Variants in KIF5C observed in about 807,000 individuals in gnomAD.
KIF5C encodes the protein kinesin family member 5C, also known as kinesin heavy chain isoform 5C.
In KIF5C, 18 loss-of-function variants were observed where a neutral mutation model predicts 125.2. The observed-to-expected ratio is 0.14, with a 90% CI of 0.10 to 0.21. The LOEUF is 0.21. Ranked by LOEUF, KIF5C falls within the 10% of genes least tolerant of loss-of-function variation. The pLI is 1.00. For synonymous variants in KIF5C, 405 were observed against 434.0 expected, an observed-to-expected ratio of 0.93 and a Z score of 0.83; for missense variants, 780 against 1,183.8, an observed-to-expected ratio of 0.66 and a Z score of 5.01.
rs1211669214 is a variant in KIF5C, at chr2:149,024,823, C to CAGG, written c.*1753_*1754insAGG. 3 of 152,408 alleles carry CAGG rather than the reference C, an allele frequency of 2.0e-5. No homozygotes were observed. The highest frequency in any genetic ancestry group is 7.3e-5 in the African/African-American group (3 of 41,370). The allele number at this position is 152,408 out of a possible 1,614,324, so 9.4% of individuals were successfully genotyped here. A position where few individuals can be genotyped will look rare whatever the true frequency, so the allele number is the denominator to read the frequency against. ...TGTTATCAGTGCCAGCCCAATATAC[C>CAGG]TGCTCTACCATTATTTGCGGTCTGA... On this transcript the variant is annotated 3_prime_UTR_variant, in exon 26 of 26. Transcript: ENST00000435030.
chr2:148,910,581 A>C (rs1300170135), intron 1 of KIF5C, among the ~76,000 whole-genome samples: 3 of 152,236 alleles, frequency 2.0e-5, no homozygotes, highest in African/African-American at 2.4e-5. Flanking sequence ...AACACGGTCA[A>C]ATCATTGAGA....
chr2:148,952,740 T>C (rs938098827), intron 10 of KIF5C, among the ~76,000 whole-genome samples: 2 of 152,074 alleles, frequency 1.3e-5, no homozygotes, highest in Non-Finnish European at 2.9e-5. Flanking sequence ...TTCAAGAATA[T>C]TGGGAGGATT....
At chr2:148,988,548 G>A (rs763365455) in intron 15 of KIF5C, among the ~76,000 whole-genome samples, 2 of 152,206 alleles carry the variant, frequency 1.3e-5, no homozygotes, top group Non-Finnish European at 2.9e-5. Flanking sequence ...GCTCAGCAGC[G>A]TTTTCCTACC....
In KIF5C at chr2:149,010,200, G is replaced by A. The variant is rs776886036; in HGVS notation, c.2616G>A (p.Thr872=). ...LPKLEKRLRA[T]AERVKALESA... Reference sequence around the variant, plus strand: ...AGCTGGAGAAGCGGCTGCGTGCCACGGCGGAGCGCGTCAAGGCTCTGGAGA... The same window carrying A: ...AGCTGGAGAAGCGGCTGCGTGCCACAGCGGAGCGCGTCAAGGCTCTGGAGA... The change falls in exon 24 of 26, where the codon ACG becomes ACA. Residue 872 remains threonine (T), a synonymous_variant. Transcript: ENST00000435030. The A allele has an allele frequency of 6.4e-7, 1 of 1,557,414 alleles. No homozygotes were observed. The highest frequency in any genetic ancestry group is 2.4e-5 in the East Asian group (1 of 41,162).
At chr2:148,906,773 G>T (rs999957666) in intron 1 of KIF5C, among the ~76,000 whole-genome samples, 1 of 152,146 alleles carries the variant, frequency 6.6e-6, no homozygotes, top group Admixed American at 6.5e-5. Context: ...GGCTGAGGTG[G>T]GAGGATTGCT....
intron 1 of KIF5C, among the ~76,000 whole-genome samples, chr2:148,895,821 C>T (rs1171122266): frequency 3.3e-5 from 5 of 149,286 alleles, no homozygotes; most frequent in African/African-American, 1.2e-4. Flanking sequence ...CCGTGCATGT[C>T]CTCACATGCC....
chr2:148,959,772 G>T (rs912871249), intron 10 of KIF5C, among the ~76,000 whole-genome samples: 1 of 152,158 alleles, frequency 6.6e-6, no homozygotes, highest in Non-Finnish European at 1.5e-5. Flanking sequence ...TGTTACACCC[G>T]TGGGGAAGGA....
At chr2:149,012,399 C>T (rs1682235214) in intron 25 of KIF5C, among the ~76,000 whole-genome samples, 2 of 152,182 alleles carry the variant, frequency 1.3e-5, no homozygotes, top group African/African-American at 4.8e-5. Context: ...TTTAGATAAA[C>T]TCTGACTTTG....
In KIF5C at chr2:148,875,592, G is replaced by GCCCCCCCCCCCCCCCCC; in HGVS notation, c.-26_-25insCCCCCCCCCCCCCCCCC. On this transcript the variant is annotated 5_prime_UTR_variant, in exon 1 of 26. Transcript: ENST00000435030. ...CGGCCCCGGCCCCCCACCCATCCCC[G>GCCCCCCCCCCCCCCCCC]TGCCCCCTCCCTACCGCCGGCCGAG... is the stretch of plus-strand genomic sequence containing the variant. 4.2e-6 allele frequency: 1 copy of GCCCCCCCCCCCCCCCCC among 236,060 alleles called. No homozygotes were observed. The highest frequency in any genetic ancestry group is 7.3e-6 in the Non-Finnish European group (1 of 136,154). 14.6% of individuals were successfully genotyped at this position (236,060 alleles called of 1,614,324 possible).
In KIF5C at chr2:148,926,242, C is replaced by T. The variant is rs1681989939; in HGVS notation, c.218-3039C>T. Among the ~76,000 whole-genome samples the T allele has an allele frequency of 1.3e-5, 2 of 152,182 alleles. 1 individual carries two copies. Among genetic ancestry groups the T allele is most frequent in the South Asian group, 4.1e-4 (2 of 4,832 alleles). On this transcript the variant is annotated intron_variant, in intron 2 of 25. Transcript: ENST00000435030. ...GTATCTACTGCTATCCTTCCTCCTC[C>T]CCTGGGAGATGAGAAGGCTCTGGGC... is the stretch of plus-strand genomic sequence containing the variant.
At chr2:148,890,237 A>G (rs1198516159) in intron 1 of KIF5C, among the ~76,000 whole-genome samples, 2 of 152,208 alleles carry the variant, frequency 1.3e-5, no homozygotes, top group African/African-American at 2.4e-5. Flanking sequence ...AGGCACAAAG[A>G]AAAAAGGAAA....
chr2:148,891,344 G>T (rs757026321), intron 1 of KIF5C, among the ~76,000 whole-genome samples: 3 of 152,080 alleles, frequency 2.0e-5, no homozygotes, highest in Non-Finnish European at 2.9e-5. Flanking sequence ...ACCATATTTA[G>T]AGAAAATCCT....
At chr2:148,963,807 A>G (rs549579494) in intron 11 of KIF5C, among the ~76,000 whole-genome samples, 21 of 152,104 alleles carry the variant, frequency 1.4e-4, no homozygotes, top group Non-Finnish European at 1.5e-5. Flanking sequence ...TTCCCCCATC[A>G]TTTTGCATCT....
intron 1 of KIF5C, among the ~76,000 whole-genome samples, chr2:148,919,110 G>A: frequency 6.6e-6 from 1 of 152,202 alleles, no homozygotes; most frequent in East Asian, 1.9e-4. Flanking sequence ...ATGGCTCATG[G>A]ACACCTAAAT....
Position 148,875,582 on chromosome 2 carries a change from A to ATCCCCCCGCCCCCCC in KIF5C, c.-36_-35insTCCCCCCGCCCCCCC. ...TCGTCGTTCCCGGCCCCGGCCCCCC[A>ATCCCCCCGCCCCCCC]CCCATCCCCGTGCCCCCTCCCTACC... On this transcript the variant is annotated 5_prime_UTR_variant, in exon 1 of 26. Transcript: ENST00000435030. 3.6e-6 allele frequency: 1 copy of ATCCCCCCGCCCCCCC among 277,684 alleles called. No homozygotes were observed. The allele number at this position is 277,684 out of a possible 1,614,324, so 17.2% of individuals were successfully genotyped here. A position where few individuals can be genotyped will look rare whatever the true frequency, so the allele number is the denominator to read the frequency against.
chr2:148,889,937 C>A (rs187467352), intron 1 of KIF5C, among the ~76,000 whole-genome samples: 1 of 152,150 alleles, frequency 6.6e-6, no homozygotes, highest in Non-Finnish European at 1.5e-5. Context: ...TGTGGGCCCC[C>A]TTTCTGGGTG....
chr2:149,010,793 C>T (rs1682170083), intron 24 of KIF5C, among the ~76,000 whole-genome samples: 1 of 152,190 alleles, frequency 6.6e-6, no homozygotes, highest in Non-Finnish European at 1.5e-5. Flanking sequence ...TGGAAATACC[C>T]CTGGAAGAGC....
At chr2:148,909,952 C>A (rs1007282189) in intron 1 of KIF5C, among the ~76,000 whole-genome samples, 1 of 152,172 alleles carries the variant, frequency 6.6e-6, no homozygotes, top group Non-Finnish European at 1.5e-5. Flanking sequence ...ATAATGCTAA[C>A]CTTGGAGCAC....
At chr2:148,950,261 T>C in intron 9 of KIF5C, 53 bp from the exon 10 acceptor site, 2 of 1,587,358 alleles carry the variant, frequency 1.3e-6, no homozygotes, top group Non-Finnish European at 1.7e-6. Flanking sequence ...CTTGCCTCTG[T>C]GTTTTTCTCA....
Sources: allele counts gnomAD v4.1 joint callset (sites outside exome capture counted in the v4.1 genomes callset), GRCh38; gene constraint gnomAD v4.1.1; transcripts MANE v1.5; gene names NCBI Gene and HGNC (gene_info 2026-07-23, HGNC 2026-07-21).